The following GABBR2 variants were observed in gnomAD, a reference collection of about 807,000 sequenced individuals.
GABBR2 encodes the protein G-protein coupled receptor 51.
GABBR2 carries 23 observed loss-of-function variants against 105.6 expected under a neutral mutation model. That is an observed-to-expected ratio of 0.22 (90% CI 0.16 to 0.31). GABBR2 has a LOEUF of 0.31. GABBR2 is among the 10% of genes least tolerant of loss of function. GABBR2 has a pLI of 1.00. For synonymous variants in GABBR2, 478 were observed against 499.7 expected, an observed-to-expected ratio of 0.96 and a Z score of 0.58; for missense variants, 734 against 1,245.5, an observed-to-expected ratio of 0.59 and a Z score of 6.18.
rs1826825989 is a variant in GABBR2, at chr9:98,477,857, C to T, written c.798+3075G>A. ...TAGGATGAAGCTTTCCCTTTGGTGGCCTCATTTAAGCCTCTCGACAACCCC... is the reference window on the plus strand; with the variant it reads ...TAGGATGAAGCTTTCCCTTTGGTGGTCTCATTTAAGCCTCTCGACAACCCC... On this transcript the variant is annotated intron_variant, in intron 5 of 18. Transcript: ENST00000259455. 2.0e-5 allele frequency among the ~76,000 whole-genome samples: 3 copies of T among 152,148 alleles called. No individual in the cohort carries two copies. The South Asian group carries it at 6.2e-4, about 32-fold the overall frequency.
At chr9:98,323,471 C>T (rs547715204) in intron 13 of GABBR2, among the ~76,000 whole-genome samples, 30 of 152,340 alleles carry the variant, frequency 2.0e-4, no homozygotes, top group African/African-American at 7.2e-4. Flanking sequence ...GTTCAAGTGC[C>T]CCACCCAGCT....
intron 7 of GABBR2, among the ~76,000 whole-genome samples, chr9:98,421,786 T>C (rs1832786399): frequency 6.6e-6 from 1 of 152,208 alleles, no homozygotes; most frequent in Non-Finnish European, 1.5e-5. Flanking sequence ...ACTGGTTGAC[T>C]ATATAAGGGA....
intron 13 of GABBR2, among the ~76,000 whole-genome samples, chr9:98,356,552 A>G (rs1831486957): frequency 6.6e-6 from 1 of 152,254 alleles, no homozygotes; most frequent in African/African-American, 2.4e-5. Context: ...ACTCCCATTC[A>G]TTGCTCGTGG....
At chr9:98,606,987 T>C (rs904374513) in intron 1 of GABBR2, 12 of 828,152 alleles carry the variant, frequency 1.4e-5, no homozygotes, top group Admixed American at 5.2e-5. Flanking sequence ...GCTCGCCCCA[T>C]GTCGCTCGGT....
At chr9:98,389,217 A>G (rs905523251) in intron 9 of GABBR2, among the ~76,000 whole-genome samples, 1 of 152,252 alleles carries the variant, frequency 6.6e-6, no homozygotes, top group Non-Finnish European at 1.5e-5. Flanking sequence ...AATAGAATCA[A>G]TAAAGGATTT....
At chr9:98,302,351 T>A (rs1219994287) in intron 16 of GABBR2, among the ~76,000 whole-genome samples, 1 of 152,100 alleles carries the variant, frequency 6.6e-6, no homozygotes, top group Non-Finnish European at 1.5e-5. Context: ...CACCCAGCTC[T>A]CCCGCTATGA....
At chr9:98,672,987 T>C (rs888925981) in intron 1 of GABBR2, among the ~76,000 whole-genome samples, 17 of 152,298 alleles carry the variant, frequency 1.1e-4, no homozygotes, top group African/African-American at 3.8e-4. Context: ...CTAAAACACA[T>C]AATAAGCAAT....
chr9:98,370,173 GC>G (rs1308269071), intron 12 of GABBR2, among the ~76,000 whole-genome samples: 2 of 152,164 alleles, frequency 1.3e-5, no homozygotes, highest in African/African-American at 4.8e-5. Context: ...CCAGATGTGG[GC>G]CATGGGTGAG....
At chr9:98,699,260 T>C (rs337544) in intron 1 of GABBR2, among the ~76,000 whole-genome samples, 106,808 of 152,000 alleles carry the variant, frequency 0.7, 38,815 homozygotes, top group Middle Eastern at 0.84. Context: ...TTGATGTACC[T>C]TGGAGGATGG....
At chr9:98,307,653 T>A (rs1830572159) in intron 14 of GABBR2, among the ~76,000 whole-genome samples, 1 of 152,176 alleles carries the variant, frequency 6.6e-6, no homozygotes, top group Admixed American at 6.5e-5. Flanking sequence ...CTGGGTGACC[T>A]GGGCAAGTCA....
intron 3 of GABBR2, among the ~76,000 whole-genome samples, chr9:98,507,307 C>T (rs1395395866): frequency 1.3e-5 from 2 of 152,016 alleles, no homozygotes; most frequent in African/African-American, 2.4e-5. Context: ...CAACATGATC[C>T]CAAGGGTCTT....
At chr9:98,502,007 A>G (rs912643457) in intron 3 of GABBR2, among the ~76,000 whole-genome samples, 4 of 152,186 alleles carry the variant, frequency 2.6e-5, no homozygotes, top group African/African-American at 9.7e-5. Flanking sequence ...AGAGAGTGAC[A>G]GGGACTTGTC....
intron 16 of GABBR2, among the ~76,000 whole-genome samples, chr9:98,299,750 G>A (rs1830438850): frequency 6.6e-6 from 1 of 152,148 alleles, no homozygotes; most frequent in East Asian, 1.9e-4. Context: ...TTCTTTTTCT[G>A]TAGAATGGGG....
chr9:98,363,911 G>C (rs1188233552), intron 12 of GABBR2, among the ~76,000 whole-genome samples: 3 of 152,106 alleles, frequency 2.0e-5, no homozygotes, highest in African/African-American at 7.2e-5. Flanking sequence ...CTCCAGAAAA[G>C]CTAATGTGAT....
At chr9:98,616,204 C>T (rs559103396) in intron 1 of GABBR2, among the ~76,000 whole-genome samples, 1 of 152,324 alleles carries the variant, frequency 6.6e-6, no homozygotes, top group Non-Finnish European at 1.5e-5. Context: ...TTACACTGCC[C>T]TCCATCCTAA....
rs118183224 is a variant in GABBR2 at position 98,643,770 on chromosome 9, G to A, written c.321+64647C>T. ...CAGTAGGCCCAATGAAGCTCAATCTGAGGATATTTGTTTACTCTGTTAGGA... is the reference window on the plus strand; with the variant it reads ...CAGTAGGCCCAATGAAGCTCAATCTAAGGATATTTGTTTACTCTGTTAGGA... On this transcript the variant is annotated intron_variant, in intron 1 of 18. Transcript: ENST00000259455. 5.4e-3 allele frequency among the ~76,000 whole-genome samples: 816 copies of A among 152,324 alleles called. 21 individuals carry two copies. The East Asian group carries it at 0.058, about 11-fold the overall frequency.
chr9:98,328,599 G>A (rs1425452173), intron 13 of GABBR2, among the ~76,000 whole-genome samples: 1 of 152,214 alleles, frequency 6.6e-6, no homozygotes, highest in African/African-American at 2.4e-5. Flanking sequence ...AAGCTGCCAG[G>A]AGGCTGATAA....
rs536386427 is a variant in GABBR2 at position 98,373,394 on chromosome 9, G to A, written c.1663-1823C>T. ...ACAGGTGAAGAAACTGAGGCCCAGC[G>A]CATTCAAGATAGTTCCCTTAACCAT... On this transcript the variant is annotated intron_variant, in intron 11 of 18. Transcript: ENST00000259455. Among the ~76,000 whole-genome samples the A allele has an allele frequency of 2.0e-4, 31 of 152,310 alleles. No homozygotes were observed. In the South Asian group the frequency reaches 3.5e-3, roughly 17 times the overall value.
chr9:98,559,848 AAAT>A (rs139681244), intron 2 of GABBR2, among the ~76,000 whole-genome samples: 3,530 of 152,230 alleles, frequency 0.023, 131 homozygotes, highest in East Asian at 0.15. Flanking sequence ...GTGAAAAAAA[AAAT>A]AAGGAATGCC....
Sources: allele counts gnomAD v4.1 joint callset (sites outside exome capture counted in the v4.1 genomes callset), GRCh38; gene constraint gnomAD v4.1.1; transcripts MANE v1.5; gene names NCBI Gene and HGNC (gene_info 2026-07-23, HGNC 2026-07-21).